MASTL: variants seen among roughly 807,000 people sequenced by gnomAD.
MASTL encodes the protein serine/threonine-protein kinase greatwall.
In MASTL, 54 loss-of-function variants were observed where a neutral mutation model predicts 82.5. The observed-to-expected ratio is 0.65, with a 90% CI of 0.53 to 0.82. The LOEUF (loss-of-function observed/expected upper bound fraction) is 0.82. MASTL is among the 40% of genes least tolerant of loss of function. The pLI is 0.00. For missense variants in MASTL, 950 were observed against 1,047.8 expected (o/e 0.91, Z 1.29); for synonymous variants, 323 against 368.9 (o/e 0.88, Z 1.43).
Position 27,186,633 on chromosome 10 carries a change from A to G in MASTL, c.*97A>G, listed in dbSNP as rs778521193. 15 of 1,139,996 alleles carry G rather than the reference A, an allele frequency of 1.3e-5. No individual in the cohort carries two copies. The Admixed American group carries it at 1.4e-4, about 10-fold the overall frequency. The allele number at this position is 1,139,996 out of a possible 1,614,324, so 70.6% of individuals were successfully genotyped here. On this transcript the variant is annotated 3_prime_UTR_variant, in exon 12 of 12. Transcript: ENST00000375940. ...TAGATTGATCTAAGGGGGAAAGATC[A>G]TTATTTAACCTAGTTCAATGTGCTT...
At chr10:27,184,097 T>A (rs965289215) in intron 11 of MASTL, among the ~76,000 whole-genome samples, 2 of 152,162 alleles carry the variant, frequency 1.3e-5, no homozygotes, top group African/African-American at 4.8e-5. Context: ...GGGAATACCC[T>A]AGGGATGATC....
intron 4 of MASTL, among the ~76,000 whole-genome samples, chr10:27,163,284 T>C (rs767956139): frequency 6.6e-6 from 1 of 152,156 alleles, no homozygotes; most frequent in Non-Finnish European, 1.5e-5. Context: ...TAGGGATATT[T>C]CATAATATGC....
At chr10:27,179,601 G>T (rs572338207) in intron 9 of MASTL, among the ~76,000 whole-genome samples, 2 of 152,120 alleles carry the variant, frequency 1.3e-5, no homozygotes, top group South Asian at 4.1e-4. Flanking sequence ...TATAAATTTT[G>T]CATCCAATGA....
rs180671030 is a variant in MASTL, at chr10:27,178,952, C to T, written c.2267-2001C>T. 1.6e-3 allele frequency among the ~76,000 whole-genome samples: 247 copies of T among 152,108 alleles called. 1 individual carries two copies. Among genetic ancestry groups the T allele is most frequent in the African/African-American group, 5.8e-3 (240 of 41,494 alleles). On this transcript the variant is annotated intron_variant, in intron 9 of 11. Coordinates refer to ENST00000375940, the MANE Select transcript of MASTL (RefSeq NM_001172303.3). ...TAAGGGAAGATGGGATTATATGGCT[C>T]GCAGGTAAAATGGCACTCTAAATGC...
chr10:27,162,625 C>T (rs1397706566), intron 4 of MASTL, among the ~76,000 whole-genome samples: 2 of 151,754 alleles, frequency 1.3e-5, no homozygotes, highest in African/African-American at 2.4e-5. Context: ...GCCAAGATCA[C>T]GACACTGCAC....
intron 1 of MASTL, 33 bp downstream of exon 1, chr10:27,155,645 A>G: frequency 6.2e-7 from 1 of 1,612,242 alleles, no homozygotes; most frequent in Middle Eastern, 1.7e-4. Flanking sequence ...GGAAGGGGTT[A>G]GGCCCTTCGG....
At chr10:27,157,371 G>A (rs1009155550) in intron 1 of MASTL, among the ~76,000 whole-genome samples, 1 of 152,086 alleles carries the variant, frequency 6.6e-6, no homozygotes, top group East Asian at 1.9e-4. Flanking sequence ...TTGTGTCTAC[G>A]AACTGGACAA....
At chr10:27,174,097 G>A (rs558149932) in intron 9 of MASTL, among the ~76,000 whole-genome samples, 2 of 151,552 alleles carry the variant, frequency 1.3e-5, no homozygotes, top group East Asian at 4.0e-4. Flanking sequence ...GCTCACGCCT[G>A]TAATCCTAGC....
intron 4 of MASTL, among the ~76,000 whole-genome samples, chr10:27,164,429 A>G (rs1214220385): frequency 6.6e-6 from 1 of 152,192 alleles, no homozygotes; most frequent in East Asian, 1.9e-4. Flanking sequence ...GTGAGCCACC[A>G]TGCCTGGATA....
At position 27,155,625 on chromosome 10, in the gene MASTL, C is replaced by T. The variant is rs747828435; in HGVS notation, c.186+13C>T. The T allele has an allele frequency of 5.6e-6, 9 of 1,613,890 alleles. No homozygotes were observed. The highest frequency in any genetic ancestry group is 2.2e-5 in the South Asian group (2 of 91,064). Reference sequence around the variant, plus strand: ...GTATGCAGTAAAGGTAGGAAGTCAACGAGTAGCAAGGAAGGGGTTAGGCCC... The same window carrying T: ...GTATGCAGTAAAGGTAGGAAGTCAATGAGTAGCAAGGAAGGGGTTAGGCCC... On this transcript the variant is annotated intron_variant, in intron 1 of 11. Transcript: ENST00000375940.
At chr10:27,172,184 T>G (rs2057968652) in intron 8 of MASTL, among the ~76,000 whole-genome samples, 1 of 152,112 alleles carries the variant, frequency 6.6e-6, no homozygotes, top group East Asian at 1.9e-4. Flanking sequence ...AACCCAAAGT[T>G]TTACTTTTTT....
Position 27,171,016 on chromosome 10 carries a change from C to T in MASTL, c.2057C>T (p.Ala686Val). ...TSLDAMDISC[A>V]YSGSYPMAIT... Reference sequence around the variant, plus strand: ...TTAGATGCAATGGATATTTCGTGTGCCTACAGTGGTTCATATCCCATGGCT... The same window carrying T: ...TTAGATGCAATGGATATTTCGTGTGTCTACAGTGGTTCATATCCCATGGCT... Residue 686 changes from alanine (A) to valine (V), a missense_variant, in exon 8 of 12, where the codon GCC becomes GTC. By Grantham distance (64) the Ala-to-Val change is moderately conservative. Coordinates refer to ENST00000375940, the MANE Select transcript of MASTL (RefSeq NM_001172303.3). 6.2e-7 allele frequency: 1 copy of T among 1,614,020 alleles called. No individual in the cohort carries two copies. The highest frequency in any genetic ancestry group is 8.5e-7 in the Non-Finnish European group (1 of 1,179,942).
intron 1 of MASTL, among the ~76,000 whole-genome samples, chr10:27,157,242 G>T (rs2057422059): frequency 2.0e-5 from 3 of 152,154 alleles, no homozygotes; most frequent in African/African-American, 4.8e-5. Context: ...TGATTGAATT[G>T]GTTACTTTAT....
chr10:27,168,820 A>G (rs571773622), intron 7 of MASTL, among the ~76,000 whole-genome samples: 3 of 152,286 alleles, frequency 2.0e-5, no homozygotes, highest in Non-Finnish European at 4.4e-5. Flanking sequence ...AAAAAAAAAT[A>G]TCCTTTTTGC....
In MASTL at chr10:27,155,384, G is replaced by A. The variant is rs775714421; in HGVS notation, c.-43G>A. ...ACCCAGTTGGCGGGAGTGGCTGCTC[G>A]CGGAGGGGCAGTGTCTGCGGGGCCG... On this transcript the variant is annotated 5_prime_UTR_variant, in exon 1 of 12. Coordinates refer to ENST00000375940, the MANE Select transcript of MASTL (RefSeq NM_001172303.3). 8 of 1,547,402 alleles carry A rather than the reference G, an allele frequency of 5.2e-6. No homozygotes were observed. The highest frequency in any genetic ancestry group is 2.7e-5 in the African/African-American group (2 of 73,084).
intron 11 of MASTL, among the ~76,000 whole-genome samples, chr10:27,185,752 A>G (rs2058679308): frequency 6.7e-6 from 1 of 148,228 alleles, no homozygotes; most frequent in Non-Finnish European, 1.5e-5. Flanking sequence ...GCACCACTAC[A>G]CTCCAGATTG....
At chr10:27,171,410 AATTATTATT>A (rs71386919) in intron 8 of MASTL, among the ~76,000 whole-genome samples, 15,797 of 144,628 alleles carry the variant, frequency 0.11, 1,114 homozygotes, top group Middle Eastern at 0.17. Flanking sequence ...TGAGTTACAA[AATTATTATT>A]ATTATTATTA....
Position 27,169,927 on chromosome 10 carries a change from A to AT in MASTL, c.985-10dup, listed in dbSNP as rs747245714. On this transcript the variant is annotated splice_polypyrimidine_tract_variant and intron_variant, in intron 7 of 11. Transcript: ENST00000375940. ...TCAGCTTTATATAACTAAAACAAAT[A>AT]TTTTTTTCCCTCTTAGGAAAGTGAT... The AT allele has an allele frequency of 5.0e-6, 8 of 1,613,258 alleles. No homozygotes were observed. The African/African-American group carries it at 5.3e-5, about 11-fold the overall frequency.
intron 8 of MASTL, among the ~76,000 whole-genome samples, chr10:27,172,290 C>T (rs771863578): frequency 2.0e-5 from 3 of 152,042 alleles, no homozygotes; most frequent in Non-Finnish European, 4.4e-5. Flanking sequence ...TATTAAATGA[C>T]TTAGAAGTCC....
Sources: allele counts gnomAD v4.1 joint callset (sites outside exome capture counted in the v4.1 genomes callset), GRCh38; gene constraint gnomAD v4.1.1; transcripts MANE v1.5; gene names NCBI Gene and HGNC (gene_info 2026-07-23, HGNC 2026-07-21).